Variants in ST6GALNAC5 observed in about 807,000 individuals in gnomAD.
ST6GALNAC5 encodes the protein alpha-N-acetylgalactosaminide alpha-2,6-sialyltransferase 5.
ST6GALNAC5 carries 27 observed loss-of-function variants against 33.6 expected under a neutral mutation model. That is an observed-to-expected ratio of 0.80 (90% CI 0.59 to 1.11). The LOEUF (loss-of-function observed/expected upper bound fraction) is 1.11. ST6GALNAC5 is among the 50% of genes least tolerant of loss of function. The pLI is 0.00. For synonymous variants in ST6GALNAC5, 194 were observed against 171.2 expected (o/e 1.13, Z -1.04); for missense variants, 428 against 454.0 (o/e 0.94, Z 0.52).
At chr1:77,060,614 A>T (rs555559438) in intron 4 of ST6GALNAC5, among the ~76,000 whole-genome samples, 2 of 152,250 alleles carry the variant, frequency 1.3e-5, no homozygotes, top group South Asian at 2.1e-4. Flanking sequence ...TGAATAACTT[A>T]TCTTGACACC....
At chr1:77,050,471 G>T (rs1467807876) in intron 4 of ST6GALNAC5, 106 bp downstream of exon 4, 2 of 1,012,406 alleles carry the variant, frequency 2.0e-6, no homozygotes, top group Non-Finnish European at 3.0e-6. Context: ...TCTTCTTGAA[G>T]CAATTAATTA....
chr1:76,936,991 T>G (rs1418149977), intron 2 of ST6GALNAC5, among the ~76,000 whole-genome samples: 1 of 150,974 alleles, frequency 6.6e-6, no homozygotes, highest in East Asian at 2.0e-4. Context: ...TGTGTGTGTA[T>G]GTGTTAGAAA....
chr1:76,988,926 G>T (rs543651872), intron 2 of ST6GALNAC5, among the ~76,000 whole-genome samples: 1 of 152,190 alleles, frequency 6.6e-6, no homozygotes, highest in East Asian at 1.9e-4. Flanking sequence ...ATTGTTTGTA[G>T]CCCTTATACT....
chr1:76,913,598 C>G (rs1646937023), intron 2 of ST6GALNAC5, among the ~76,000 whole-genome samples: 1 of 152,114 alleles, frequency 6.6e-6, no homozygotes, highest in Non-Finnish European at 1.5e-5. Flanking sequence ...TCTCATGTTT[C>G]TTGGAGGCTT....
chr1:77,057,643 C>A (rs114374375), intron 4 of ST6GALNAC5, among the ~76,000 whole-genome samples: 4 of 152,106 alleles, frequency 2.6e-5, no homozygotes, highest in Admixed American at 2.6e-4. Context: ...TGGAGGGTAC[C>A]TCTGGAATGA....
intron 3 of ST6GALNAC5, among the ~76,000 whole-genome samples, chr1:77,050,049 G>A (rs750713204): frequency 6.6e-6 from 1 of 152,196 alleles, no homozygotes; most frequent in East Asian, 1.9e-4. Flanking sequence ...AATTCAGCAT[G>A]AGCATTAACA....
At chr1:76,937,837 A>G (rs988651713) in intron 2 of ST6GALNAC5, among the ~76,000 whole-genome samples, 1 of 152,072 alleles carries the variant, frequency 6.6e-6, no homozygotes, top group Non-Finnish European at 1.5e-5. Context: ...TCTGTATTCC[A>G]ATTTGAACGC....
intron 2 of ST6GALNAC5, chr1:76,869,049 G>A (rs1208883697): frequency 1.0e-5 from 3 of 293,090 alleles, no homozygotes; most frequent in East Asian, 6.6e-5. Flanking sequence ...ATGGAGGTCC[G>A]GTTCCTGAAG....
chr1:77,060,557 T>C (rs60825482), intron 4 of ST6GALNAC5, among the ~76,000 whole-genome samples: 6,305 of 152,242 alleles, frequency 0.041, 265 homozygotes, highest in African/African-American at 0.11. Flanking sequence ...AAAGCACTTT[T>C]CTGCTGCTTG....
intron 2 of ST6GALNAC5, among the ~76,000 whole-genome samples, chr1:76,929,413 C>T (rs1647115844): frequency 6.6e-6 from 1 of 152,038 alleles, no homozygotes; most frequent in African/African-American, 2.4e-5. Context: ...GTGTTGCATG[C>T]CCGTAGTCCC....
rs1245212088 is a variant in ST6GALNAC5, at chr1:76,868,892, T to A, written c.261+150T>A. ...GACCCGCTGGGGTAGGGTGGGCTAG[T>A]TCCAACTTGGTATGAATTCTTATTT... On this transcript the variant is annotated intron_variant, in intron 2 of 4. Coordinates refer to ENST00000477717, the MANE Select transcript of ST6GALNAC5 (RefSeq NM_030965.3). The surrounding 1 kb of genome is among the most constrained non-coding windows in gnomAD (Gnocchi z 4.3). 3 of 1,258,148 alleles carry A rather than the reference T, an allele frequency of 2.4e-6. No homozygotes were observed. The highest frequency in any genetic ancestry group is 3.1e-6 in the Non-Finnish European group (3 of 953,352). 77.9% of individuals were successfully genotyped at this position (1,258,148 alleles called of 1,614,324 possible).
chr1:76,881,225 G>T lies in ST6GALNAC5; in HGVS notation c.261+12483G>T, dbSNP rs554265977. On this transcript the variant is annotated intron_variant, in intron 2 of 4. Transcript: ENST00000477717. ...TGATCAAATGATTGGTAAAACTTTT[G>T]GGGGGAGGTATGTGCATTTATGAGA... Among the ~76,000 whole-genome samples the T allele has an allele frequency of 2.0e-4, 31 of 152,228 alleles. No homozygotes were observed. The South Asian group carries it at 3.7e-3, about 18-fold the overall frequency.
intron 2 of ST6GALNAC5, among the ~76,000 whole-genome samples, chr1:77,043,634 G>A (rs1651905876): frequency 6.6e-6 from 1 of 152,198 alleles, no homozygotes; most frequent in Admixed American, 6.5e-5. Flanking sequence ...ATGCTTAGAT[G>A]ATGTGTATTT....
chr1:76,888,226 C>A (rs1334038155), intron 2 of ST6GALNAC5, among the ~76,000 whole-genome samples: 1 of 151,966 alleles, frequency 6.6e-6, no homozygotes, highest in Non-Finnish European at 1.5e-5. Flanking sequence ...ATTAATGGTA[C>A]ATATGCATCA....
At position 76,900,416 on chromosome 1, in the gene ST6GALNAC5, A is replaced by T. The variant is rs142035055; in HGVS notation, c.261+31674A>T. On this transcript the variant is annotated intron_variant, in intron 2 of 4. Transcript: ENST00000477717. ...TCATTCATAATAACCAGAACTTTATATTCTTAACTACAATTATTAAAGATT... is the reference window on the plus strand; with the variant it reads ...TCATTCATAATAACCAGAACTTTATTTTCTTAACTACAATTATTAAAGATT... 2.4e-4 allele frequency among the ~76,000 whole-genome samples: 36 copies of T among 152,324 alleles called. No homozygotes were observed. In the East Asian group the frequency reaches 6.7e-3, roughly 29 times the overall value.
chr1:76,905,573 T>C (rs533678670), intron 2 of ST6GALNAC5, among the ~76,000 whole-genome samples: 3 of 152,334 alleles, frequency 2.0e-5, no homozygotes, highest in East Asian at 3.9e-4. Flanking sequence ...AATTTTTAAC[T>C]ATCAGGACAC....
Position 77,066,572 on chromosome 1 carries a change from G to A in ST6GALNAC5, c.*3366G>A, listed in dbSNP as rs1400352986. ...AGGCACATGCACCCATTTAGTACCT[G>A]CCTAAATATTTGCCCTTGTGTAAGA... is the stretch of plus-strand genomic sequence containing the variant. On this transcript the variant is annotated 3_prime_UTR_variant, in exon 5 of 5. Coordinates refer to ENST00000477717, the MANE Select transcript of ST6GALNAC5 (RefSeq NM_030965.3). Among the ~76,000 whole-genome samples the A allele has an allele frequency of 6.6e-6, 1 of 152,188 alleles. No individual in the cohort carries two copies. Among genetic ancestry groups the A allele is most frequent in the East Asian group, 1.9e-4 (1 of 5,198 alleles).
rs35621324 is a variant in ST6GALNAC5, at chr1:76,933,763, C to CAA, written c.261+65042_261+65043dup. On this transcript the variant is annotated intron_variant, in intron 2 of 4. Transcript: ENST00000477717. ...ATGGCCAGTCAATTCTTTTCTCTGC[C>CAA]AAAAAAAAAAAAAAAAAAAAAAGCC... is the stretch of plus-strand genomic sequence containing the variant. Among the ~76,000 whole-genome samples, 108 of 67,476 alleles carry CAA rather than the reference C, an allele frequency of 1.6e-3. 1 individual carries two copies. Among genetic ancestry groups the CAA allele is most frequent in the Middle Eastern group, 0.012 (1 of 84 alleles). 44.3% of individuals were successfully genotyped at this position (67,476 alleles called of 152,430 possible). A position where few individuals can be genotyped will look rare whatever the true frequency, so the allele number is the denominator to read the frequency against.
At chr1:76,954,571 G>A (rs999652605) in intron 2 of ST6GALNAC5, among the ~76,000 whole-genome samples, 1 of 152,038 alleles carries the variant, frequency 6.6e-6, no homozygotes, top group Non-Finnish European at 1.5e-5. Flanking sequence ...GTGAGTGTTT[G>A]TAAATAAATA....
Sources: gnomAD v4.1 joint callset for allele counts (sites outside exome capture counted in the v4.1 genomes callset) on GRCh38, gnomAD v4.1.1 for gene constraint, Gnocchi (gnomAD v3.1) non-coding constraint, MANE v1.5 for transcripts, NCBI Gene and HGNC (gene_info 2026-07-23, HGNC 2026-07-21) for gene names.